REST: variants seen among roughly 807,000 people sequenced by gnomAD.
REST encodes the protein RE1 silencing transcription factor.
Under a neutral mutation model 30.4 loss-of-function variants are expected in REST, and 1 was observed. That is an observed-to-expected ratio of 0.03 (90% CI 0.01 to 0.16). The LOEUF is 0.16. Ranked by LOEUF, REST falls within the 10% of genes least tolerant of loss-of-function variation. REST has a pLI of 1.00. For missense variants in REST, 1,259 were observed against 1,329.5 expected (o/e 0.95, Z 0.82); for synonymous variants, 504 against 451.1 (o/e 1.12, Z -1.49).
At chr4:56,914,475 T>C (rs1329324737) in intron 2 of REST, among the ~76,000 whole-genome samples, 1 of 152,180 alleles carries the variant, frequency 6.6e-6, no homozygotes, top group African/African-American at 2.4e-5. Flanking sequence ...GTCTCGATGC[T>C]TTGAAACCAT....
rs1268132542 is a variant in REST at position 56,931,268 on chromosome 4, C to T, written c.2410C>T (p.Pro804Ser). 2 of 1,614,108 alleles carry T rather than the reference C, an allele frequency of 1.2e-6. No homozygotes were observed. Among genetic ancestry groups the T allele is most frequent in the African/African-American group, 1.3e-5 (1 of 74,944 alleles). The stretch of plus-strand genomic sequence containing the variant: ...GGAGCCACCTCCTCCCAGAGAGCCT[C>T]CCCTTCACATGGAGCCAATTTCCAA... ...QREPPPPREPPLHMEPISKKP... is the reference protein window; with the variant it reads ...QREPPPPREPSLHMEPISKKP... Residue 804 changes from proline to serine, a missense_variant, in exon 4 of 4, where the codon CCC becomes TCC. By Grantham distance (74) the Pro-to-Ser change is moderately conservative. Transcript: ENST00000309042.
At position 56,930,847 on chromosome 4, in the gene REST, G is replaced by A; in HGVS notation, c.1989G>A (p.Gln663=). 1 of 1,613,244 alleles carries A rather than the reference G, an allele frequency of 6.2e-7. No homozygotes were observed. Among genetic ancestry groups the A allele is most frequent in the South Asian group, 1.1e-5 (1 of 91,042 alleles). Residue 663 remains glutamine (Q), a synonymous_variant, in exon 4 of 4, where the codon CAG becomes CAA. Transcript: ENST00000309042. ...QMEVVQEGPA[Q]KELLPPVEPA... is the part of the protein sequence containing the mutation. ...AGGTGGTTCAGGAGGGGCCTGCTCA[G>A]AAGGAGCTGCTGCCTCCCGTGGAGC... is the stretch of plus-strand genomic sequence containing the variant.
chr4:56,922,118 A>T (rs1261687042), intron 3 of REST, among the ~76,000 whole-genome samples: 1 of 152,056 alleles, frequency 6.6e-6, no homozygotes, highest in Non-Finnish European at 1.5e-5. Context: ...TAAGCCATTG[A>T]GTGGTGCCAC....
chr4:56,925,164 C>G (rs1050403714), intron 3 of REST, among the ~76,000 whole-genome samples: 6 of 82,386 alleles, frequency 7.3e-5, no homozygotes, highest in African/African-American at 2.6e-4. Flanking sequence ...GACTCAGTCT[C>G]AAAAAAAAAA....
Position 56,932,351 on chromosome 4 carries a change from TA to T in REST, c.*202del. ...TTTTAGTAAATCTAAGAGAGTGTAC[TA>T]AACCAGCAGGTATCTGTTAGCTTAT... On this transcript the variant is annotated 3_prime_UTR_variant, in exon 4 of 4. Transcript: ENST00000309042. 1.8e-6 allele frequency: 1 copy of T among 557,860 alleles called. No individual in the cohort carries two copies. The highest frequency in any genetic ancestry group is 3.1e-6 in the Non-Finnish European group (1 of 327,484). 34.6% of individuals were successfully genotyped at this position (557,860 alleles called of 1,614,324 possible). A position where few individuals can be genotyped will look rare whatever the true frequency, so the allele number is the denominator to read the frequency against.
chr4:56,921,849 A>C (rs893608757), intron 3 of REST, among the ~76,000 whole-genome samples: 1 of 152,218 alleles, frequency 6.6e-6, no homozygotes, highest in Non-Finnish European at 1.5e-5. Flanking sequence ...AAAGTAATAA[A>C]ATTAATTTTA....
intron 3 of REST, among the ~76,000 whole-genome samples, chr4:56,923,943 G>A (rs1057197297): frequency 6.6e-6 from 1 of 151,142 alleles, no homozygotes; most frequent in Non-Finnish European, 1.5e-5. Flanking sequence ...GGATAGTCTT[G>A]ATCTCCTGAC....
intron 3 of REST, among the ~76,000 whole-genome samples, chr4:56,920,790 G>A (rs1304738425): frequency 2.6e-5 from 4 of 152,132 alleles, no homozygotes; most frequent in Non-Finnish European, 5.9e-5. Context: ...AAGTTAAAAA[G>A]TAATGTTAGC....
At chr4:56,916,769 C>G (rs1241140651) in intron 2 of REST, among the ~76,000 whole-genome samples, 1 of 152,138 alleles carries the variant, frequency 6.6e-6, no homozygotes, top group East Asian at 1.9e-4. Context: ...TTGGCCTGTT[C>G]TGAATATTTC....
rs766787851 is a variant in REST, at chr4:56,931,935, G to A, written c.3077G>A (p.Gly1026Asp). Residue 1026 changes from glycine to aspartate, a missense_variant, in exon 4 of 4, where the codon GGT becomes GAT. By Grantham distance (94) the Gly-to-Asp change is moderately conservative. Transcript: ENST00000309042. ...GSDLSDNMSE[G>D]SDDSGLHGAR... ...GACCTAAGTGACAACATGTCAGAGG[G>A]TAGTGATGATTCTGGATTGCATGGG... 1 of 1,614,206 alleles carries A rather than the reference G, an allele frequency of 6.2e-7. No homozygotes were observed. The highest frequency in any genetic ancestry group is 8.5e-7 in the Non-Finnish European group (1 of 1,180,032).
intron 2 of REST, among the ~76,000 whole-genome samples, chr4:56,917,047 G>A (rs1720233211): frequency 6.6e-6 from 1 of 152,152 alleles, no homozygotes; most frequent in African/African-American, 2.4e-5. Context: ...TGTGATTACA[G>A]CTATCTTAGT....
At chr4:56,929,497 A>G (rs1353241153) in intron 3 of REST, among the ~76,000 whole-genome samples, 2 of 102,198 alleles carry the variant, frequency 2.0e-5, no homozygotes, top group Non-Finnish European at 4.1e-5. Flanking sequence ...TAAACACACA[A>G]AAAAATTTTT....
chr4:56,924,157 C>A (rs1306682736), intron 3 of REST, among the ~76,000 whole-genome samples: 3 of 152,158 alleles, frequency 2.0e-5, no homozygotes, highest in African/African-American at 7.2e-5. Context: ...TGTGCCCAGA[C>A]AGACATGTTT....
chr4:56,916,550 T>C (rs1720205265), intron 2 of REST, among the ~76,000 whole-genome samples: 1 of 151,808 alleles, frequency 6.6e-6, no homozygotes, highest in Non-Finnish European at 1.5e-5. Context: ...GGCAGGAGAA[T>C]CACTTGAACC....
chr4:56,917,059 G>T (rs1483800768), intron 2 of REST, among the ~76,000 whole-genome samples: 1 of 152,078 alleles, frequency 6.6e-6, no homozygotes, highest in Non-Finnish European at 1.5e-5. Context: ...TATCTTAGTG[G>T]ATATGAAGTC....
chr4:56,929,022 C>T (rs891844244), intron 3 of REST, among the ~76,000 whole-genome samples: 2 of 152,100 alleles, frequency 1.3e-5, no homozygotes, highest in African/African-American at 4.8e-5. Context: ...CCTTTGCCTC[C>T]CGAGTAGCTA....
chr4:56,928,382 C>T (rs927136364), intron 3 of REST, among the ~76,000 whole-genome samples: 1 of 151,960 alleles, frequency 6.6e-6, no homozygotes, highest in Non-Finnish European at 1.5e-5. Context: ...GCTGGGATTA[C>T]AGGTGTGAGC....
At chr4:56,910,547 T>A in intron 1 of REST, 83 bp from the exon 2 acceptor site, 1 of 1,209,758 alleles carries the variant, frequency 8.3e-7, no homozygotes. Context: ...TTTTAAGTTA[T>A]GAAGAATTAC....
At chr4:56,927,170 A>G (rs993746407) in intron 3 of REST, among the ~76,000 whole-genome samples, 1 of 152,124 alleles carries the variant, frequency 6.6e-6, no homozygotes, top group African/African-American at 2.4e-5. Context: ...AGAGTGAGCA[A>G]CTTGCAGAGC....
Sources: allele counts gnomAD v4.1 joint callset (sites outside exome capture counted in the v4.1 genomes callset), GRCh38; gene constraint gnomAD v4.1.1; transcripts MANE v1.5; gene names NCBI Gene and HGNC (gene_info 2026-07-23, HGNC 2026-07-21).